The following TANC1 variants were observed in gnomAD, a reference collection of about 807,000 sequenced individuals.
TANC1 encodes tetratricopeptide repeat, ankyrin repeat and coiled-coil containing 1.
In TANC1, 77 loss-of-function variants were observed where a neutral mutation model predicts 149.7. That is an observed-to-expected ratio of 0.51 (90% CI 0.43 to 0.62). The LOEUF (loss-of-function observed/expected upper bound fraction) is 0.62. Ranked by LOEUF, TANC1 falls within the 20% of genes least tolerant of loss-of-function variation. TANC1 has a pLI of 0.00. For synonymous variants in TANC1, 854 were observed against 925.0 expected, an observed-to-expected ratio of 0.92 and a Z score of 1.39; for missense variants, 1,985 against 2,321.8, an observed-to-expected ratio of 0.85 and a Z score of 2.98.
At chr2:159,203,817 T>C (rs565564900) in intron 19 of TANC1, among the ~76,000 whole-genome samples, 1 of 152,128 alleles carries the variant, frequency 6.6e-6, no homozygotes, top group Admixed American at 6.5e-5. Context: ...GCTCAAGCAG[T>C]CCTCCTGACT....
chr2:159,225,994 C>A (rs1217569982), intron 24 of TANC1: 1 of 562,722 alleles, frequency 1.8e-6, no homozygotes, highest in Non-Finnish European at 3.2e-6. Context: ...CCAACCTGGC[C>A]AATATGGCAA....
At chr2:159,124,372 A>C (rs1466471540) in intron 4 of TANC1, among the ~76,000 whole-genome samples, 2 of 152,058 alleles carry the variant, frequency 1.3e-5, no homozygotes, top group East Asian at 3.9e-4. Flanking sequence ...TGAGTGGGGC[A>C]TCGGAATCAC....
At chr2:159,056,825 C>T (rs2149629660) in intron 2 of TANC1, 1 of 343,574 alleles carries the variant, frequency 2.9e-6, no homozygotes, top group Non-Finnish European at 6.1e-6. Context: ...CCAGGTCTAG[C>T]TTGAATATCA....
At chr2:159,061,784 T>C (rs1398906007) in intron 2 of TANC1, among the ~76,000 whole-genome samples, 2 of 152,210 alleles carry the variant, frequency 1.3e-5, no homozygotes, top group Non-Finnish European at 2.9e-5. Context: ...TGGAAAGAAA[T>C]GACATCTGAC....
chr2:159,095,777 A>G (rs796069499), intron 3 of TANC1, among the ~76,000 whole-genome samples: 2 of 149,586 alleles, frequency 1.3e-5, no homozygotes, highest in Non-Finnish European at 3.0e-5. Flanking sequence ...TACCTGTCCT[A>G]TATGTCTCAT....
chr2:159,058,554 A>G (rs988236954), intron 2 of TANC1, among the ~76,000 whole-genome samples: 3 of 152,204 alleles, frequency 2.0e-5, no homozygotes, highest in African/African-American at 7.2e-5. Flanking sequence ...ATTTTGATCT[A>G]TCATCATATT....
intron 20 of TANC1, among the ~76,000 whole-genome samples, chr2:159,218,691 C>T (rs993059945): frequency 2.0e-5 from 3 of 152,186 alleles, no homozygotes; most frequent in Non-Finnish European, 1.5e-5. Flanking sequence ...AGGCATATTT[C>T]TAGGGCTGAG....
intron 8 of TANC1, among the ~76,000 whole-genome samples, chr2:159,167,973 C>T (rs2054781314): frequency 6.6e-6 from 1 of 152,104 alleles, no homozygotes; most frequent in Admixed American, 6.5e-5. Flanking sequence ...ACCTTGGTCC[C>T]ACTGAAGATG....
chr2:159,076,301 A>T (rs984895231), intron 3 of TANC1, among the ~76,000 whole-genome samples: 1 of 152,234 alleles, frequency 6.6e-6, no homozygotes, highest in African/African-American at 2.4e-5. Flanking sequence ...TTCTATAGGT[A>T]AAAGTTTCTC....
rs1479047653 is a variant in TANC1, at chr2:158,981,491, T to TAATATATA, written c.-126+12709_-126+12710insAATATATA. Among the ~76,000 whole-genome samples, 7 of 34,354 alleles carry TAATATATA rather than the reference T, an allele frequency of 2.0e-4. 1 individual carries two copies. The highest frequency in any genetic ancestry group is 8.2e-4 in the Admixed American group (2 of 2,442). The allele number at this position is 34,354 out of a possible 152,430, so 22.5% of individuals were successfully genotyped here. On this transcript the variant is annotated intron_variant, in intron 1 of 26. Coordinates refer to ENST00000263635, the MANE Select transcript of TANC1 (RefSeq NM_033394.3). ...AAGTTTAGCAATTAATATATAGCTT[T>TAATATATA]TATATATATATATATATATATATAT...
chr2:158,973,385 A>G (rs1201090361), intron 1 of TANC1, among the ~76,000 whole-genome samples: 2 of 152,222 alleles, frequency 1.3e-5, no homozygotes, highest in African/African-American at 4.8e-5. Context: ...GAAGTCTCTC[A>G]GAAGCACTCA....
rs750859199 is a variant in TANC1, at chr2:159,229,554, GTTACC to G, written c.4152-19_4152-15del. ...AGCATGTTCGTGTGTGGTTTGTAATGTTACCTTACATTTTCCTACAAAGGCAATTC... is the reference window on the plus strand; with the variant it reads ...AGCATGTTCGTGTGTGGTTTGTAATGTTACATTTTCCTACAAAGGCAATTC... On this transcript the variant is annotated intron_variant, in intron 26 of 26. Transcript: ENST00000263635. 1.5e-5 allele frequency: 24 copies of G among 1,574,724 alleles called. No individual in the cohort carries two copies. The Admixed American group carries it at 2.3e-4, about 15-fold the overall frequency.
In TANC1 at chr2:159,176,245, A is replaced by G. The variant is rs533781441; in HGVS notation, c.1736-107A>G. On this transcript the variant is annotated intron_variant, in intron 12 of 26. Transcript: ENST00000263635. The stretch of plus-strand genomic sequence containing the variant: ...AAAACTGTTTCTTGTGCCATATGTA[A>G]ACCTTTTTAGTTTCTAACACTAAAC... 2.4e-5 allele frequency: 14 copies of G among 589,792 alleles called. No individual in the cohort carries two copies. The African/African-American group carries it at 2.5e-4, about 11-fold the overall frequency. The allele number at this position is 589,792 out of a possible 1,614,324, so 36.5% of individuals were successfully genotyped here.
chr2:159,071,398 AAT>A (rs940148786), intron 3 of TANC1, among the ~76,000 whole-genome samples: 9 of 140,244 alleles, frequency 6.4e-5, no homozygotes, highest in Admixed American at 2.1e-4. Flanking sequence ...GTTAAAAAAA[AAT>A]TTTTTTTTGA....
intron 5 of TANC1, chr2:159,148,517 T>C (rs560449490): frequency 2.0e-5 from 3 of 152,398 alleles, no homozygotes; most frequent in Admixed American, 2.0e-4. Flanking sequence ...ACAGTGGTAC[T>C]GGGTCCTGTC....
chr2:159,090,912 G>C (rs1439913188), intron 3 of TANC1, among the ~76,000 whole-genome samples: 1 of 152,200 alleles, frequency 6.6e-6, no homozygotes, highest in Non-Finnish European at 1.5e-5. Context: ...GTGTGACTGA[G>C]AGAAGATTAA....
intron 7 of TANC1, among the ~76,000 whole-genome samples, chr2:159,158,980 G>A (rs1250139508): frequency 6.6e-6 from 1 of 152,130 alleles, no homozygotes; most frequent in Non-Finnish European, 1.5e-5. Context: ...GGTATCTCTG[G>A]TCCTTAGTTC....
chr2:159,073,064 A>T (rs941871537), intron 3 of TANC1, among the ~76,000 whole-genome samples: 1 of 152,238 alleles, frequency 6.6e-6, no homozygotes, highest in Admixed American at 6.5e-5. Context: ...TTATGAAGTT[A>T]AACTGAAAGG....
chr2:159,028,789 A>G (rs1384964893), intron 2 of TANC1, among the ~76,000 whole-genome samples: 1 of 152,208 alleles, frequency 6.6e-6, no homozygotes, highest in African/African-American at 2.4e-5. Context: ...TTGTTGAGAT[A>G]GGGTCTCTCA....
Sources: gnomAD v4.1 joint callset for allele counts (sites outside exome capture counted in the v4.1 genomes callset) on GRCh38, gnomAD v4.1.1 for gene constraint, MANE v1.5 for transcripts, NCBI Gene and HGNC (gene_info 2026-07-23, HGNC 2026-07-21) for gene names.